Variants in UBE2D3 observed in about 807,000 individuals in gnomAD.
UBE2D3 encodes the protein ubiquitin-conjugating enzyme E2 D3.
Under a neutral mutation model 22.8 loss-of-function variants are expected in UBE2D3, and 2 were observed. The observed-to-expected ratio is 0.09, with a 90% confidence interval of 0.04 to 0.28. UBE2D3 has a LOEUF of 0.28. Ranked by LOEUF, UBE2D3 falls within the 10% of genes least tolerant of loss-of-function variation. The pLI, the probability that UBE2D3 is intolerant of heterozygous loss-of-function variation, is 1.00. For synonymous variants in UBE2D3, 56 were observed against 60.4 expected (o/e 0.93, Z 0.34); for missense variants, 27 against 182.5 (o/e 0.15, Z 4.91).
intron 4 of UBE2D3, among the ~76,000 whole-genome samples, chr4:102,805,398 A>AT (rs1239883251): frequency 1.4e-4 from 21 of 152,042 alleles, no homozygotes; most frequent in African/African-American, 1.9e-4. Flanking sequence ...TTTATGTTAG[A>AT]TTTTTTCAGA....
intron 1 of UBE2D3, among the ~76,000 whole-genome samples, chr4:102,842,507 G>A (rs1050574505): frequency 6.6e-6 from 1 of 151,646 alleles, no homozygotes; most frequent in Non-Finnish European, 1.5e-5. Flanking sequence ...AGTGAGCTAT[G>A]ATGAGGCCAG....
intron 2 of UBE2D3, 95 bp from the exon 3 acceptor site, chr4:102,809,950 T>A (rs776035409): frequency 1.7e-6 from 2 of 1,193,996 alleles, no homozygotes; most frequent in Middle Eastern, 2.8e-4. Flanking sequence ...ACCCTATTTT[T>A]AAAGGCACAC....
chr4:102,848,651 T>C (rs550098417), intron 1 of UBE2D3, among the ~76,000 whole-genome samples: 2 of 151,634 alleles, frequency 1.3e-5, no homozygotes, highest in South Asian at 4.2e-4. Context: ...ATCTCATAAA[T>C]GAATAAAAAA....
At chr4:102,838,797 C>G (rs1731567220) in intron 1 of UBE2D3, among the ~76,000 whole-genome samples, 1 of 76,742 alleles carries the variant, frequency 1.3e-5, no homozygotes, top group Non-Finnish European at 2.5e-5. Flanking sequence ...CTAAACAAAA[C>G]TGTGCTGGGC....
At chr4:102,818,623 A>G (rs1444629115) in intron 2 of UBE2D3, among the ~76,000 whole-genome samples, 1 of 152,236 alleles carries the variant, frequency 6.6e-6, no homozygotes, top group African/African-American at 2.4e-5. Context: ...GCACCATGGT[A>G]GAAAATAGGG....
At chr4:102,848,103 G>A (rs960430001) in intron 1 of UBE2D3, among the ~76,000 whole-genome samples, 7 of 152,076 alleles carry the variant, frequency 4.6e-5, no homozygotes, top group African/African-American at 9.7e-5. Context: ...TTTCTGTTTC[G>A]GACCATAAGA....
At chr4:102,834,537 C>T (rs1468067410) in intron 1 of UBE2D3, among the ~76,000 whole-genome samples, 2 of 151,932 alleles carry the variant, frequency 1.3e-5, no homozygotes, top group East Asian at 1.9e-4. Flanking sequence ...ATTGCTTAAA[C>T]CCAGGAGTTA....
At chr4:102,841,016 T>A (rs1248168055) in intron 1 of UBE2D3, among the ~76,000 whole-genome samples, 2 of 150,288 alleles carry the variant, frequency 1.3e-5, no homozygotes, top group African/African-American at 4.9e-5. Context: ...CAAGACTCTT[T>A]TAAAAAAAAA....
At chr4:102,823,084 C>T (rs1025727162) in intron 2 of UBE2D3, among the ~76,000 whole-genome samples, 1 of 152,218 alleles carries the variant, frequency 6.6e-6, no homozygotes, top group Admixed American at 6.5e-5. Flanking sequence ...ATTCTCACAT[C>T]TATCCCACAT....
intron 5 of UBE2D3, 70 bp downstream of exon 5, chr4:102,802,485 TATCTTC>T (rs1292302160): frequency 4.0e-6 from 5 of 1,257,980 alleles, no homozygotes; most frequent in Non-Finnish European, 5.6e-6. Flanking sequence ...CACAGAACCC[TATCTTC>T]CAAGAATGCT....
At chr4:102,823,587 A>C (rs1729971766) in intron 2 of UBE2D3, among the ~76,000 whole-genome samples, 1 of 152,244 alleles carries the variant, frequency 6.6e-6, no homozygotes, top group African/African-American at 2.4e-5. Flanking sequence ...ACGTCCCTAA[A>C]ACACATATAT....
At chr4:102,836,424 AGAGT>A (rs1247331979) in intron 1 of UBE2D3, among the ~76,000 whole-genome samples, 4 of 152,246 alleles carry the variant, frequency 2.6e-5, no homozygotes, top group African/African-American at 9.6e-5. Flanking sequence ...TGGGATTATA[AGAGT>A]GAGGCACTCC....
At chr4:102,832,681 G>A (rs900614818) in intron 1 of UBE2D3, among the ~76,000 whole-genome samples, 8 of 152,098 alleles carry the variant, frequency 5.3e-5, no homozygotes, top group African/African-American at 1.2e-4. Context: ...GGGGCGGGGG[G>A]AATTCTCCCT....
chr4:102,811,588 GGAGAATCACTTGAACCTGGGAGGGA>G (rs1728036994), intron 2 of UBE2D3: 1 of 311,072 alleles, frequency 3.2e-6, no homozygotes, highest in Admixed American at 4.7e-5. Flanking sequence ...GGATGATACA[GGAGAATCACTTGAACCTGGGAGGGA>G]GAGGCTGCAG....
At chr4:102,799,576 A>C (rs769661013) in intron 6 of UBE2D3, 76 bp from the exon 7 acceptor site, 1 of 1,066,124 alleles carries the variant, frequency 9.4e-7, no homozygotes, top group Non-Finnish European at 1.4e-6. Flanking sequence ...CGTGTATTAC[A>C]AAACTCAATC....
At chr4:102,835,581 T>G (rs1468657439) in intron 1 of UBE2D3, among the ~76,000 whole-genome samples, 1 of 152,216 alleles carries the variant, frequency 6.6e-6, no homozygotes, top group East Asian at 1.9e-4. Context: ...GATATGTGCT[T>G]TTTGGCTGCC....
chr4:102,812,239 G>C (rs183030878), intron 2 of UBE2D3: 161 of 153,172 alleles, frequency 1.1e-3, no homozygotes, highest in Non-Finnish European at 1.8e-3. Flanking sequence ...TGTGTTAAAT[G>C]ATCATGCTGG....
intron 1 of UBE2D3, among the ~76,000 whole-genome samples, chr4:102,866,006 CT>C (rs1733130467): frequency 6.6e-6 from 1 of 152,132 alleles, no homozygotes; most frequent in Admixed American, 6.5e-5. Context: ...GCAATATTAT[CT>C]TTAGACCATG....
intron 1 of UBE2D3, among the ~76,000 whole-genome samples, chr4:102,851,530 A>G (rs1732348733): frequency 6.6e-6 from 1 of 152,240 alleles, no homozygotes; most frequent in Non-Finnish European, 1.5e-5. Context: ...GATAATTTGT[A>G]GGAAACAGAG....
Sources: allele counts gnomAD v4.1 joint callset (sites outside exome capture counted in the v4.1 genomes callset), GRCh38; gene constraint gnomAD v4.1.1; transcripts MANE v1.5; gene names NCBI Gene and HGNC (gene_info 2026-07-23, HGNC 2026-07-21).